NRK: variants seen among roughly 807,000 people sequenced by gnomAD.
NRK encodes the protein nik-related protein kinase.
NRK carries 67 observed loss-of-function variants against 125.2 expected under a neutral mutation model. The observed-to-expected ratio is 0.54, with a 90% confidence interval of 0.44 to 0.66. The LOEUF (loss-of-function observed/expected upper bound fraction) is 0.66, where lower values mean the gene tolerates loss of function less well. Among genes scored for constraint, NRK ranks in the 30% least tolerant of loss-of-function variants. The probability of loss-of-function intolerance (pLI) is 0.00; values close to 1 mark genes in which losing one functional copy is unlikely to be tolerated. For missense variants in NRK, 1,224 were observed against 1,192.9 expected, an observed-to-expected ratio of 1.03 and a Z score of -0.38; for synonymous variants, 458 against 429.0, an observed-to-expected ratio of 1.07 and a Z score of -0.84.
chrX:105,882,106 A>G (rs1158536755), intron 4 of NRK, among the ~76,000 whole-genome samples: 1 of 110,819 alleles, frequency 9.0e-6, no homozygotes, highest in African/African-American at 3.3e-5. Context: ...GATGCGATCT[A>G]CAGCAAATTT....
Position 105,915,505 on chromosome X carries a change from C to T in NRK, c.2350-225C>T, listed in dbSNP as rs570222217. 3.6e-5 allele frequency among the ~76,000 whole-genome samples: 4 copies of T among 110,921 alleles called. No homozygotes were observed. The East Asian group carries it at 1.1e-3, about 31-fold the overall frequency. On this transcript the variant is annotated intron_variant, in intron 14 of 28. Coordinates refer to ENST00000243300, the MANE Select transcript of NRK (RefSeq NM_198465.4). ...AATTAAGATTTTGATTATATGAGCT[C>T]CAGAATCTGTTCCTATACTAAAGAT...
At chrX:105,902,173 C>T (rs889225352) in intron 9 of NRK, among the ~76,000 whole-genome samples, 7 of 109,648 alleles carry the variant, frequency 6.4e-5, no homozygotes, top group African/African-American at 2.3e-4. Context: ...AGCAAACTCA[C>T]AGGAGTGCAG....
chrX:105,939,844 T>G (rs768392489), intron 22 of NRK, 30 bp from the exon 23 acceptor site: 13 of 927,794 alleles, frequency 1.4e-5, no homozygotes, highest in Non-Finnish European at 1.6e-5. Flanking sequence ...AAGACTGATT[T>G]TAAATACTGT....
At chrX:105,856,040 TA>T (rs1211132305) in intron 2 of NRK, among the ~76,000 whole-genome samples, 3 of 111,836 alleles carry the variant, frequency 2.7e-5, no homozygotes, top group Non-Finnish European at 3.8e-5. Context: ...CTTCTTTGAT[TA>T]AAAAAACTCT....
Position 105,908,290 on chromosome X carries a change from G to T in NRK, c.1072G>T (p.Val358Leu), listed in dbSNP as rs209373. ...REEAIKEQYT[V>L]RRFRGPSCTH... ...AGAAGCTATTAAGGAACAGTACACC[G>T]TGAGAAGATTCAGGTGCGTTCCACA... The change falls in exon 12 of 29, where the codon GTG becomes TTG. Residue 358 changes from valine to leucine, a missense_variant. Physicochemically the swap from Val to Leu is conservative, Grantham distance 32 (BLOSUM62 1). Coordinates refer to ENST00000243300, the MANE Select transcript of NRK (RefSeq NM_198465.4). 8 of 1,068,827 alleles carry T rather than the reference G, an allele frequency of 7.5e-6. No homozygotes were observed. Among genetic ancestry groups the T allele is most frequent in the Non-Finnish European group, 1.0e-5 (8 of 797,370 alleles). 88.1% of individuals were successfully genotyped at this position (1,068,827 alleles called of 1,213,427 possible).
chrX:105,881,140 A>G (rs2039879530), intron 3 of NRK, among the ~76,000 whole-genome samples: 1 of 110,847 alleles, frequency 9.0e-6, no homozygotes, highest in African/African-American at 3.3e-5. Flanking sequence ...AAAAAAAGAA[A>G]TGATAGCTGA....
At chrX:105,931,387 G>T (rs2147779400) in intron 19 of NRK, among the ~76,000 whole-genome samples, 1 of 111,827 alleles carries the variant, frequency 8.9e-6, no homozygotes, top group East Asian at 2.8e-4. Flanking sequence ...CACAACTTTT[G>T]CTCCTTATCT....
intron 6 of NRK, among the ~76,000 whole-genome samples, chrX:105,894,215 C>T (rs905957277): frequency 6.3e-5 from 7 of 111,599 alleles, no homozygotes; most frequent in African/African-American, 2.3e-4. Flanking sequence ...GAAATGACCA[C>T]TTGGATTATT....
chrX:105,921,596 A>G (rs1039562286), intron 16 of NRK, among the ~76,000 whole-genome samples: 8 of 109,898 alleles, frequency 7.3e-5, no homozygotes, highest in African/African-American at 2.6e-4. Flanking sequence ...ATGTGAGGCC[A>G]GTGGTACTCC....
chrX:105,900,743 C>A, intron 9 of NRK, 71 bp downstream of exon 9: 1 of 675,505 alleles, frequency 1.5e-6, no homozygotes. Context: ...AAATCTCTCT[C>A]TGTCGAAGAA....
intron 3 of NRK, 111 bp from the exon 4 acceptor site, chrX:105,881,597 A>G (rs1036183722): frequency 7.3e-6 from 3 of 409,186 alleles, no homozygotes; most frequent in African/African-American, 5.0e-5. Context: ...TGAGAGAGGA[A>G]TAATGTTATC....
At chrX:105,877,470 T>A (rs1480893176) in intron 2 of NRK, among the ~76,000 whole-genome samples, 1 of 111,565 alleles carries the variant, frequency 9.0e-6, no homozygotes, top group Non-Finnish European at 1.9e-5. Flanking sequence ...CCATCTAAGA[T>A]GTTAACATTG....
chrX:105,943,506 G>A (rs771759862), intron 23 of NRK, among the ~76,000 whole-genome samples: 2 of 111,843 alleles, frequency 1.8e-5, no homozygotes, highest in African/African-American at 3.2e-5. Flanking sequence ...GCTATTAGGA[G>A]CTTCTTAAGA....
chrX:105,876,335 A>G (rs1242728448), intron 2 of NRK, among the ~76,000 whole-genome samples: 1 of 111,523 alleles, frequency 9.0e-6, no homozygotes, highest in Non-Finnish European at 1.9e-5. Context: ...AGCTCAATTT[A>G]GCCATTCCAC....
Position 105,880,380 on chromosome X carries a change from G to A in NRK, c.180+125G>A, listed in dbSNP as rs1363277658. 2.2e-5 allele frequency: 6 copies of A among 272,662 alleles called. No individual in the cohort carries two copies. The South Asian group carries it at 6.2e-4, about 28-fold the overall frequency. The allele number at this position is 272,662 out of a possible 1,213,427, so 22.5% of individuals were successfully genotyped here. On this transcript the variant is annotated intron_variant, in intron 3 of 28. Transcript: ENST00000243300. ...ATATAATAATTATTACATCAATCTGGATTTATTATAGTTATCATTTAATAT... is the reference window on the plus strand; with the variant it reads ...ATATAATAATTATTACATCAATCTGAATTTATTATAGTTATCATTTAATAT...
At chrX:105,878,072 A>C (rs762288745) in intron 2 of NRK, among the ~76,000 whole-genome samples, 10 of 111,349 alleles carry the variant, frequency 9.0e-5, no homozygotes, top group Non-Finnish European at 1.5e-4. Context: ...GGAAGGAAGC[A>C]TTGTAACTTT....
At position 105,842,264 on chromosome X, in the gene NRK, T is replaced by C. The variant is rs1371635752; in HGVS notation, c.123+11145T>C. Among the ~76,000 whole-genome samples the C allele has an allele frequency of 2.7e-5, 3 of 110,956 alleles. No individual in the cohort carries two copies. In the East Asian group the frequency reaches 8.6e-4, roughly 32 times the overall value. ...CTTAGGGTCTTTTTCTGGAACGTAATAGATTTCAGAAATGGATGTGGACAA... is the reference window on the plus strand; with the variant it reads ...CTTAGGGTCTTTTTCTGGAACGTAACAGATTTCAGAAATGGATGTGGACAA... On this transcript the variant is annotated intron_variant, in intron 2 of 28. Coordinates refer to ENST00000243300, the MANE Select transcript of NRK (RefSeq NM_198465.4).
intron 24 of NRK, 86 bp downstream of exon 24, chrX:105,944,127 G>A: frequency 2.0e-6 from 1 of 500,175 alleles, no homozygotes; most frequent in Admixed American, 4.1e-5. Context: ...GAATACAGAT[G>A]CAGAAGTATA....
intron 2 of NRK, among the ~76,000 whole-genome samples, chrX:105,867,462 A>G (rs1183395065): frequency 8.9e-6 from 1 of 111,916 alleles, no homozygotes; most frequent in Admixed American, 9.5e-5. Flanking sequence ...TACAAGCCCA[A>G]AGTGAAAATA....
Sources: allele counts gnomAD v4.1 joint callset (sites outside exome capture counted in the v4.1 genomes callset), GRCh38; gene constraint gnomAD v4.1.1; transcripts MANE v1.5; gene names NCBI Gene and HGNC (gene_info 2026-07-23, HGNC 2026-07-21).